ZNF141: variants seen among roughly 807,000 people sequenced by gnomAD.
The protein encoded by ZNF141 is zinc finger protein 141.
ZNF141 carries 7 observed loss-of-function variants against 11.3 expected under a neutral mutation model. The observed-to-expected ratio is 0.62, with a 90% CI of 0.35 to 1.16. The LOEUF is 1.16. Ranked by LOEUF, ZNF141 falls within the 50% of genes most tolerant of loss-of-function variation. The pLI, the probability that ZNF141 is intolerant of heterozygous loss-of-function variation, is 0.02. For missense variants in ZNF141, 535 were observed against 554.0 expected (o/e 0.97, Z 0.34); for synonymous variants, 183 against 190.7 (o/e 0.96, Z 0.33).
chr4:366,840 G>A (rs1180157742), intron 3 of ZNF141, among the ~76,000 whole-genome samples: 3 of 151,962 alleles, frequency 2.0e-5, no homozygotes, highest in Non-Finnish European at 4.4e-5. Context: ...GTTAATTTTT[G>A]TATTTTTAGG....
At chr4:344,177 A>G (rs1553849055) in intron 2 of ZNF141, among the ~76,000 whole-genome samples, 158 bp from the exon 3 acceptor site, 2 of 152,234 alleles carry the variant, frequency 1.3e-5, no homozygotes, top group Admixed American at 1.3e-4. Flanking sequence ...GCAGATTTAA[A>G]ATACTTAAAT....
intron 3 of ZNF141, among the ~76,000 whole-genome samples, chr4:371,135 T>TA (rs1553853522): frequency 6.8e-6 from 1 of 147,010 alleles, no homozygotes; most frequent in Non-Finnish European, 1.5e-5. Context: ...TATATATATA[T>TA]TTTAATTATA....
In ZNF141 at chr4:380,003, T is replaced by C. The variant is rs77115403; in HGVS notation, c.*6141T>C. On this transcript the variant is annotated 3_prime_UTR_variant, in exon 4 of 4. Transcript: ENST00000240499. Reference sequence around the variant, plus strand: ...CTGTACAATAGATTTCTTGAATTTATTCCTCCTAGGCAACTATGTGTTGTT... The same window carrying C: ...CTGTACAATAGATTTCTTGAATTTACTCCTCCTAGGCAACTATGTGTTGTT... Among the ~76,000 whole-genome samples the C allele has an allele frequency of 5.9e-3, 902 of 152,348 alleles. 11 individuals carry two copies. Among genetic ancestry groups the C allele is most frequent in the African/African-American group, 0.02 (818 of 41,588 alleles).
rs1002362552 is a variant in ZNF141 at position 381,725 on chromosome 4, C to G, written c.*7863C>G. On this transcript the variant is annotated 3_prime_UTR_variant, in exon 4 of 4. Coordinates refer to ENST00000240499, the MANE Select transcript of ZNF141 (RefSeq NM_003441.4). ...TGCCCTCAAATATGCTTTCTTAGTA[C>G]TCCACATTTATGCAGCCATCTGGGA... Among the ~76,000 whole-genome samples the G allele has an allele frequency of 2.0e-5, 3 of 151,698 alleles. No homozygotes were observed. The highest frequency in any genetic ancestry group is 7.3e-5 in the African/African-American group (3 of 41,268).
At position 374,451 on chromosome 4, in the gene ZNF141, C is replaced by G; in HGVS notation, c.*589C>G. 1 of 347,380 alleles carries G rather than the reference C, an allele frequency of 2.9e-6. No individual in the cohort carries two copies. The highest frequency in any genetic ancestry group is 5.9e-6 in the Non-Finnish European group (1 of 169,902). 21.5% of individuals were successfully genotyped at this position (347,380 alleles called of 1,614,324 possible). On this transcript the variant is annotated 3_prime_UTR_variant, in exon 4 of 4. Coordinates refer to ENST00000240499, the MANE Select transcript of ZNF141 (RefSeq NM_003441.4). ...TAAGAGAATTTATACCAGAGAGAAA[C>G]CCTACACATGTAAAGAATGTGGCAA...
At chr4:362,021 A>C (rs1370504075) in intron 3 of ZNF141, among the ~76,000 whole-genome samples, 3 of 152,182 alleles carry the variant, frequency 2.0e-5, no homozygotes, top group Non-Finnish European at 4.4e-5. Context: ...CTATTTCTCC[A>C]CATCCTCTCC....
Position 381,576 on chromosome 4 carries a change from A to T in ZNF141, c.*7714A>T, listed in dbSNP as rs1291887351. 6.6e-6 allele frequency among the ~76,000 whole-genome samples: 1 copy of T among 151,354 alleles called. No homozygotes were observed. The highest frequency in any genetic ancestry group is 1.9e-4 in the East Asian group (1 of 5,142). On this transcript the variant is annotated 3_prime_UTR_variant, in exon 4 of 4. Transcript: ENST00000240499. ...AGGTGCGCCCCACCACGCCTGAAAA[A>T]TTTTTGTATTTTTAGTAGAGACGGG...
chr4:365,941 T>G (rs1250957055), intron 3 of ZNF141, among the ~76,000 whole-genome samples: 1 of 152,250 alleles, frequency 6.6e-6, no homozygotes, highest in Non-Finnish European at 1.5e-5. Context: ...TGAAAATCAC[T>G]TGCCTCTAGT....
chr4:342,153 T>C (rs1553848567), intron 1 of ZNF141, among the ~76,000 whole-genome samples: 1 of 152,226 alleles, frequency 6.6e-6, no homozygotes, highest in Non-Finnish European at 1.5e-5. Context: ...GGACACCTAG[T>C]GTCTACCTCC....
At chr4:362,288 G>T (rs782338389) in intron 3 of ZNF141, among the ~76,000 whole-genome samples, 1 of 152,080 alleles carries the variant, frequency 6.6e-6, no homozygotes, top group Non-Finnish European at 1.5e-5. Flanking sequence ...GCCCTTTGTT[G>T]GATGGGTAGA....
chr4:372,564 G>A, intron 3 of ZNF141, 100 bp from the exon 4 acceptor site: 1 of 1,085,152 alleles, frequency 9.2e-7, no homozygotes, highest in Non-Finnish European at 1.3e-6. Context: ...ATTTTGTTAT[G>A]CCATCTTACT....
chr4:350,278 T>G, intron 3 of ZNF141: 1 of 524,216 alleles, frequency 1.9e-6, no homozygotes, highest in South Asian at 1.4e-5. Context: ...CTGGCTCCAC[T>G]GAGGTTTCAC....
chr4:344,357 C>G lies in ZNF141; in HGVS notation c.153C>G (p.Asp51Glu), dbSNP rs1358221581. 2 of 1,608,280 alleles carry G rather than the reference C, an allele frequency of 1.2e-6. No homozygotes were observed. The highest frequency in any genetic ancestry group is 2.7e-5 in the African/African-American group (2 of 74,736). The change falls in exon 3 of 4, where the codon GAC becomes GAG. Residue 51 changes from aspartate (D) to glutamate (E), a missense_variant. Transcript: ENST00000240499. Reference protein sequence around the residue: ...VSLGVAISNPDLVTCLEQRKE... With the variant: ...VSLGVAISNPELVTCLEQRKE... The stretch of plus-strand genomic sequence containing the variant: ...CAGGTGTTGCTATCTCTAACCCAGA[C>G]CTGGTCACCTGTCTGGAGCAAAGAA...
chr4:343,747 A>G (rs1721174989), intron 1 of ZNF141, 35 bp from the exon 2 acceptor site: 2 of 1,474,762 alleles, frequency 1.4e-6, no homozygotes, highest in African/African-American at 1.5e-5. Context: ...AAAAAAAAAA[A>G]AGAACTATGT....
chr4:358,864 T>G (rs1350927986), intron 3 of ZNF141, among the ~76,000 whole-genome samples: 2 of 152,188 alleles, frequency 1.3e-5, no homozygotes, highest in South Asian at 2.1e-4. Flanking sequence ...GTGAGCCTCC[T>G]CGCCTGGACT....
At chr4:348,187 T>A (rs1553849941) in intron 3 of ZNF141, among the ~76,000 whole-genome samples, 1 of 152,184 alleles carries the variant, frequency 6.6e-6, no homozygotes, top group Non-Finnish European at 1.5e-5. Flanking sequence ...CTTTTCTATT[T>A]TGTAGGGTTT....
At chr4:365,195 G>A (rs1427213161) in intron 3 of ZNF141, among the ~76,000 whole-genome samples, 1 of 152,198 alleles carries the variant, frequency 6.6e-6, no homozygotes, top group Non-Finnish European at 1.5e-5. Context: ...GAAAAACACA[G>A]TATTTGGGCA....
rs373224939 is a variant in ZNF141 at position 346,893 on chromosome 4, A to ACACCCCCCC, written c.226+2464_226+2465insACCCCCCCC. Among the ~76,000 whole-genome samples the ACACCCCCCC allele has an allele frequency of 3.7e-4, 50 of 135,380 alleles. 5 individuals are homozygous for ACACCCCCCC. Among genetic ancestry groups the ACACCCCCCC allele is most frequent in the African/African-American group, 1.1e-3 (33 of 31,278 alleles). 88.8% of individuals were successfully genotyped at this position (135,380 alleles called of 152,430 possible). On this transcript the variant is annotated intron_variant, in intron 3 of 3. Transcript: ENST00000240499. Reference sequence around the variant, plus strand: ...TATATATGTATACACACACACACACACCGCCCCCCCCATATATTGGCTACT... The same window carrying ACACCCCCCC: ...TATATATGTATACACACACACACACACACCCCCCCCCGCCCCCCCCATATATTGGCTACT...
At position 375,509 on chromosome 4, in the gene ZNF141, ACAT is replaced by A. The variant is rs1309839570; in HGVS notation, c.*1650_*1652del. 6.6e-6 allele frequency among the ~76,000 whole-genome samples: 1 copy of A among 152,086 alleles called. No individual in the cohort carries two copies. Among genetic ancestry groups the A allele is most frequent in the African/African-American group, 2.4e-5 (1 of 41,454 alleles). On this transcript the variant is annotated 3_prime_UTR_variant, in exon 4 of 4. Coordinates refer to ENST00000240499, the MANE Select transcript of ZNF141 (RefSeq NM_003441.4). ...TTAGTCTAAAAAGAAGAGTATGTAA[ACAT>A]CAGAGGATTTACAGTAGAAAGAACT... is the stretch of plus-strand genomic sequence containing the variant.
Sources: gnomAD v4.1 joint callset for allele counts (sites outside exome capture counted in the v4.1 genomes callset) on GRCh38, gnomAD v4.1.1 for gene constraint, MANE v1.5 for transcripts, NCBI Gene and HGNC (gene_info 2026-07-23, HGNC 2026-07-21) for gene names.